The following EEA1 variants were observed in gnomAD, a reference collection of about 807,000 sequenced individuals.
The protein encoded by EEA1 is early endosome antigen 1.
Under a neutral mutation model 209.2 loss-of-function variants are expected in EEA1, and 111 were observed. That is an observed-to-expected ratio of 0.53 (90% confidence interval 0.45 to 0.62). The LOEUF is 0.62. Ranked by LOEUF, EEA1 falls within the 20% of genes least tolerant of loss-of-function variation. The pLI is 0.00. For missense variants in EEA1, 1,343 were observed against 1,530.8 expected (o/e 0.88, Z 2.05); for synonymous variants, 536 against 540.6 (o/e 0.99, Z 0.12).
chr12:92,822,015 C>T (rs1876076989), intron 13 of EEA1, among the ~76,000 whole-genome samples: 1 of 150,804 alleles, frequency 6.6e-6, no homozygotes, highest in South Asian at 2.1e-4. Context: ...ACTACATATA[C>T]ATATAATTAT....
At chr12:92,792,962 G>A (rs962553725) in intron 21 of EEA1, among the ~76,000 whole-genome samples, 2 of 152,226 alleles carry the variant, frequency 1.3e-5, no homozygotes, top group East Asian at 1.9e-4. Flanking sequence ...TCCCTGGGAT[G>A]CAATGCTGGT....
chr12:92,887,694 G>C (rs1410577485), intron 2 of EEA1, among the ~76,000 whole-genome samples: 1 of 151,948 alleles, frequency 6.6e-6, no homozygotes, highest in Non-Finnish European at 1.5e-5. Context: ...AAATGATAAA[G>C]GGAGAAATTT....
chr12:92,775,855 T>A lies in EEA1; in HGVS notation c.*156A>T. The A allele has an allele frequency of 1.6e-6, 1 of 633,184 alleles. No individual in the cohort carries two copies. The highest frequency in any genetic ancestry group is 3.3e-5 in the East Asian group (1 of 30,058). 39.2% of individuals were successfully genotyped at this position (633,184 alleles called of 1,614,324 possible). ...AAGTCTCACAAAAATAGAAGAGTTT[T>A]ACTTGATATCCATAACATTCCAAAA... On this transcript the variant is annotated 3_prime_UTR_variant, in exon 29 of 29. Coordinates refer to ENST00000322349, the MANE Select transcript of EEA1 (RefSeq NM_003566.4).
At chr12:92,827,538 G>A (rs1199895896) in intron 12 of EEA1, among the ~76,000 whole-genome samples, 1 of 152,062 alleles carries the variant, frequency 6.6e-6, no homozygotes, top group African/African-American at 2.4e-5. Context: ...ATCTTTAAAT[G>A]GAAACTCAAA....
chr12:92,797,307 C>T (rs1874699265), intron 21 of EEA1, among the ~76,000 whole-genome samples: 1 of 152,112 alleles, frequency 6.6e-6, no homozygotes, highest in Non-Finnish European at 1.5e-5. Flanking sequence ...AGGCTGGTCT[C>T]GAACTCCTGA....
At chr12:92,834,123 C>T (rs572339207) in intron 10 of EEA1, among the ~76,000 whole-genome samples, 7 of 152,016 alleles carry the variant, frequency 4.6e-5, no homozygotes, top group Admixed American at 3.9e-4. Flanking sequence ...TTTATTGCTG[C>T]GTTCCCCAAC....
intron 2 of EEA1, among the ~76,000 whole-genome samples, chr12:92,875,004 T>G (rs1878821077): frequency 1.3e-5 from 2 of 152,170 alleles, no homozygotes; most frequent in African/African-American, 4.8e-5. Flanking sequence ...GTAAATAAAT[T>G]TTTTTAAGTA....
At chr12:92,837,124 TA>T (rs10590679) in intron 10 of EEA1, among the ~76,000 whole-genome samples, 60,296 of 142,454 alleles carry the variant, frequency 0.42, 13,204 homozygotes, top group Non-Finnish European at 0.47. Context: ...CTGTCTCATT[TA>T]AAAAAAAAAA....
chr12:92,897,272 C>G (rs1383596070), intron 1 of EEA1, among the ~76,000 whole-genome samples: 1 of 152,176 alleles, frequency 6.6e-6, no homozygotes, highest in African/African-American at 2.4e-5. Flanking sequence ...TGATTGTGGG[C>G]AAGTCTTCAT....
intron 1 of EEA1, among the ~76,000 whole-genome samples, chr12:92,923,509 T>C (rs569950786): frequency 6.6e-6 from 1 of 152,208 alleles, no homozygotes; most frequent in Non-Finnish European, 1.5e-5. Context: ...GTCTGGTTCC[T>C]ATCTCTAAAA....
intron 1 of EEA1, among the ~76,000 whole-genome samples, chr12:92,902,539 G>A (rs528416674): frequency 7.2e-5 from 11 of 152,128 alleles, no homozygotes; most frequent in Non-Finnish European, 1.2e-4. Context: ...TCAGGAGTTC[G>A]AGACCAGCCT....
At chr12:92,796,204 A>G (rs1450669708) in intron 21 of EEA1, among the ~76,000 whole-genome samples, 1 of 152,114 alleles carries the variant, frequency 6.6e-6, no homozygotes, top group East Asian at 1.9e-4. Flanking sequence ...ATAAGGGGCC[A>G]TATCCTATTC....
Position 92,929,111 on chromosome 12 carries a change from T to G in EEA1, c.-45A>C. The stretch of plus-strand genomic sequence containing the variant: ...GCCGCCGCGGTGACTCTCCAGACCC[T>G]GCGCGGGGCCACTCACTACTCGGGG... On this transcript the variant is annotated 5_prime_UTR_variant, in exon 1 of 29. Transcript: ENST00000322349. 1 of 1,520,902 alleles carries G rather than the reference T, an allele frequency of 6.6e-7. No homozygotes were observed. 94.2% of individuals were successfully genotyped at this position (1,520,902 alleles called of 1,614,324 possible).
At chr12:92,835,706 C>T (rs1010437798) in intron 10 of EEA1, among the ~76,000 whole-genome samples, 26 of 151,902 alleles carry the variant, frequency 1.7e-4, no homozygotes, top group African/African-American at 5.8e-4. Flanking sequence ...CCACCGCGCC[C>T]GGCTGATAGT....
chr12:92,792,337 G>C (rs188261187), intron 21 of EEA1, among the ~76,000 whole-genome samples: 1 of 152,054 alleles, frequency 6.6e-6, no homozygotes, highest in Non-Finnish European at 1.5e-5. Flanking sequence ...ATGAATGCAG[G>C]AGCTGGTTTT....
At chr12:92,799,139 T>A in intron 20 of EEA1, 53 bp from the exon 21 acceptor site, 2 of 1,423,056 alleles carry the variant, frequency 1.4e-6, no homozygotes, top group Non-Finnish European at 1.9e-6. Flanking sequence ...CAAAAGACGA[T>A]GTACTGAGTA....
intron 1 of EEA1, among the ~76,000 whole-genome samples, chr12:92,905,980 A>G (rs1880369304): frequency 6.6e-6 from 1 of 152,108 alleles, no homozygotes; most frequent in African/African-American, 2.4e-5. Flanking sequence ...ATCATGGCTC[A>G]TCGTAGCCTC....
chr12:92,856,744 A>C (rs971027739), intron 5 of EEA1, among the ~76,000 whole-genome samples: 1 of 151,516 alleles, frequency 6.6e-6, no homozygotes, highest in African/African-American at 2.4e-5. Context: ...GTATAAAAAA[A>C]AACAACATAT....
chr12:92,913,810 G>A (rs1880666899), intron 1 of EEA1, among the ~76,000 whole-genome samples: 1 of 152,134 alleles, frequency 6.6e-6, no homozygotes, highest in Non-Finnish European at 1.5e-5. Context: ...ACAGGCATGT[G>A]CCACCACATC....
Sources: gnomAD v4.1 joint callset for allele counts (sites outside exome capture counted in the v4.1 genomes callset) on GRCh38, gnomAD v4.1.1 for gene constraint, MANE v1.5 for transcripts, NCBI Gene and HGNC (gene_info 2026-07-23, HGNC 2026-07-21) for gene names.